Variants in SPON2 observed in about 807,000 individuals in gnomAD.
The protein encoded by SPON2 is spondin-2.
Under a neutral mutation model 29.9 loss-of-function variants are expected in SPON2, and 32 were observed. The ratio of observed to expected loss-of-function variants is 1.07; its 90% CI spans 0.81 to 1.44. The LOEUF (loss-of-function observed/expected upper bound fraction) is 1.44, where lower values mean the gene tolerates loss of function less well. SPON2 is among the 40% of genes most tolerant of loss of function. The pLI, the probability that SPON2 is intolerant of heterozygous loss-of-function variation, is 0.00. For missense variants in SPON2, 541 were observed against 455.5 expected, an observed-to-expected ratio of 1.19 and a Z score of -1.71; for synonymous variants, 248 against 209.1, an observed-to-expected ratio of 1.19 and a Z score of -1.61.
chr4:1,171,679 C>G (rs879687104), intron 2 of SPON2, 173 bp downstream of exon 2: 2 of 759,216 alleles, frequency 2.6e-6, no homozygotes, highest in Non-Finnish European at 4.2e-6. Context: ...GCCCCCTGCC[C>G]CCACCGCATC....
chr4:1,202,691 C>T lies in SPON2; in HGVS notation c.-234+5189G>A, dbSNP rs189878099. 3.9e-4 allele frequency among the ~76,000 whole-genome samples: 60 copies of T among 152,272 alleles called. No homozygotes were observed. The Middle Eastern group carries it at 0.014, about 35-fold the overall frequency. ...TCGGAGGCAGCCCCCACCTCAGCTC[C>T]GGTGGGCATAGCCTCGGTGGGGACT... On this transcript the variant is annotated intron_variant, in intron 1 of 3. Coordinates refer to the SPON2 transcript ENST00000509233. The surrounding 1 kb of genome is among the most constrained non-coding windows in gnomAD (Gnocchi z 5.4).
intron 1 of SPON2, chr4:1,201,274 C>T (rs1224568829): frequency 5.2e-6 from 2 of 383,596 alleles, no homozygotes; most frequent in African/African-American, 4.1e-5. Flanking sequence ...CCTACCTGCC[C>T]TGAGTGTCCC....
chr4:1,171,163 T>G lies in SPON2; in HGVS notation c.472A>C (p.Ser158Arg). ...TCCACGCCCACGAACCAGTCGGGGC[T>G]GGGCACGATGCGCACCACAAACGAG... ...LVSFVVRIVP[S>R]PDWFVGVDSL... The change falls in exon 4 of 6, where the codon AGC becomes CGC. Residue 158 changes from serine (S) to arginine (R), a missense_variant. Ser to Arg is a moderately radical substitution (Grantham distance 110). Coordinates refer to ENST00000290902, the MANE Select transcript of SPON2 (RefSeq NM_012445.4). 1 of 1,549,380 alleles carries G rather than the reference T, an allele frequency of 6.5e-7. No homozygotes were observed. Among genetic ancestry groups the G allele is most frequent in the South Asian group, 1.2e-5 (1 of 84,330 alleles).
At chr4:1,174,628 T>C (rs1727556991), upstream of SPON2, among the ~76,000 whole-genome samples, 1 of 152,248 alleles carries the variant, frequency 6.6e-6, no homozygotes, top group Non-Finnish European at 1.5e-5. Context: ...TCAGAATACT[T>C]GCCAATTCAC....
At chr4:1,195,489 T>TCCCCC (rs910772142), upstream of SPON2, among the ~76,000 whole-genome samples, 10 of 145,988 alleles carry the variant, frequency 6.8e-5, no homozygotes, top group East Asian at 4.9e-4. Flanking sequence ...CACCTGAACC[T>TCCCCC]CCCCCCGCCT....
intron 1 of SPON2, among the ~76,000 whole-genome samples, chr4:1,188,202 CAAA>C (rs1164276990): frequency 2.2e-3 from 82 of 36,546 alleles, no homozygotes; most frequent in Non-Finnish European, 3.6e-3. Context: ...GACTCCGTCT[CAAA>C]AAAAAAAAAA....
chr4:1,172,312 G>T (rs982290239), intron 1 of SPON2: 37 of 582,676 alleles, frequency 6.4e-5, no homozygotes, highest in Non-Finnish European at 1.1e-4. Flanking sequence ...CAGGTTTTCA[G>T]TCCGAGTCCC....
At chr4:1,206,147 G>C (rs1171259041) in intron 1 of SPON2, among the ~76,000 whole-genome samples, 1 of 152,190 alleles carries the variant, frequency 6.6e-6, no homozygotes, top group Non-Finnish European at 1.5e-5. Flanking sequence ...CCTACCCAAG[G>C]CTGACCCGGG....
intron 1 of SPON2, among the ~76,000 whole-genome samples, chr4:1,186,081 AAAAATAC>A (rs1727795104): frequency 1.5e-5 from 2 of 134,776 alleles, no homozygotes; most frequent in Non-Finnish European, 3.4e-5. Context: ...CATCTCTACT[AAAAATAC>A]AAAAAATTAG....
chr4:1,189,988 TCAAA>T (rs1560208799), intron 1 of SPON2, among the ~76,000 whole-genome samples: 3 of 113,774 alleles, frequency 2.6e-5, no homozygotes, highest in Non-Finnish European at 1.8e-5. Context: ...AGACTCCATC[TCAAA>T]AAAAAAAAAA....
intron 1 of SPON2, among the ~76,000 whole-genome samples, chr4:1,180,317 G>C (rs1178797412): frequency 1.3e-5 from 2 of 152,206 alleles, no homozygotes; most frequent in African/African-American, 2.4e-5. Flanking sequence ...GAGAGACTTA[G>C]TGGCCACACA....
rs776286756 is a variant in SPON2, at chr4:1,207,268, G to A, written c.-234+612C>T. 1.2e-3 allele frequency among the ~76,000 whole-genome samples: 184 copies of A among 152,274 alleles called. 2 individuals carry two copies. The highest frequency in any genetic ancestry group is 1.2e-3 in the East Asian group (6 of 5,176). ...GCCTAGACGCCTGTAGGGGCTGGGAGGGATGTGGGTGAGTCCGGCTGCTCG... is the reference window on the plus strand; with the variant it reads ...GCCTAGACGCCTGTAGGGGCTGGGAAGGATGTGGGTGAGTCCGGCTGCTCG... On this transcript the variant is annotated intron_variant, in intron 1 of 3. Transcript: ENST00000509233.
intron 1 of SPON2, among the ~76,000 whole-genome samples, chr4:1,181,588 G>T (rs1424295884): frequency 6.6e-6 from 1 of 152,208 alleles, no homozygotes; most frequent in East Asian, 1.9e-4. Flanking sequence ...CAGTTTTGGA[G>T]CTCTGGAGTC....
intron 1 of SPON2, among the ~76,000 whole-genome samples, chr4:1,186,014 G>C (rs577512583): frequency 9.0e-4 from 136 of 151,344 alleles, no homozygotes; most frequent in African/African-American, 2.8e-3. Context: ...GGAGGCCGAG[G>C]CGGGCGGATC....
At chr4:1,187,247 C>G (rs1015557326) in intron 1 of SPON2, among the ~76,000 whole-genome samples, 16 of 152,266 alleles carry the variant, frequency 1.1e-4, no homozygotes, top group East Asian at 1.9e-4. Context: ...GGACATTATG[C>G]TAAGTAAAAT....
At chr4:1,201,506 G>T (rs1001268529) in intron 1 of SPON2, 2 of 174,536 alleles carry the variant, frequency 1.1e-5, no homozygotes, top group African/African-American at 4.8e-5. Flanking sequence ...CACAGAGAAG[G>T]CTGCCTTCAC....
chr4:1,206,422 G>A (rs565152409), intron 1 of SPON2, among the ~76,000 whole-genome samples: 5 of 152,356 alleles, frequency 3.3e-5, no homozygotes, highest in South Asian at 2.1e-4. Context: ...GGGGGAGGCC[G>A]GCAGCCCAGG....
chr4:1,169,507 C>T (rs1727352220), intron 5 of SPON2, among the ~76,000 whole-genome samples: 1 of 152,124 alleles, frequency 6.6e-6, no homozygotes, highest in South Asian at 2.1e-4. Flanking sequence ...CCTGACCTGG[C>T]CCTTGCTTCC....
At chr4:1,192,334 G>A (rs1727930000) in intron 1 of SPON2, among the ~76,000 whole-genome samples, 1 of 152,246 alleles carries the variant, frequency 6.6e-6, no homozygotes, top group Non-Finnish European at 1.5e-5. Flanking sequence ...CCCTGTGCTG[G>A]CTGGCCAGGG....
Sources: allele counts gnomAD v4.1 joint callset (sites outside exome capture counted in the v4.1 genomes callset), GRCh38; gene constraint gnomAD v4.1.1; non-coding constraint Gnocchi (gnomAD v3.1); transcripts MANE v1.5; gene names NCBI Gene and HGNC (gene_info 2026-07-23, HGNC 2026-07-21).